Variants in SNAP23 observed in about 807,000 individuals in gnomAD.
The protein encoded by SNAP23 is synaptosomal-associated protein 23.
A neutral mutation model predicts 29.0 loss-of-function variants in SNAP23; 11 were observed. The ratio of observed to expected loss-of-function variants is 0.38; its 90% CI spans 0.24 to 0.63. SNAP23 has a LOEUF of 0.63. Ranked by LOEUF, SNAP23 falls within the 20% of genes least tolerant of loss-of-function variation. The pLI, the probability that SNAP23 is intolerant of heterozygous loss-of-function variation, is 0.58. For synonymous variants in SNAP23, 60 were observed against 82.9 expected, an observed-to-expected ratio of 0.72 and a Z score of 1.50; for missense variants, 220 against 253.9, an observed-to-expected ratio of 0.87 and a Z score of 0.91.
chr15:42,520,767 T>G (rs184610270), intron 5 of SNAP23, among the ~76,000 whole-genome samples: 420 of 152,354 alleles, frequency 2.8e-3, no homozygotes, highest in African/African-American at 9.5e-3. Flanking sequence ...GTGTTGGGAT[T>G]ACAGGCGTGA....
chr15:42,512,845 C>A, intron 2 of SNAP23, 110 bp from the exon 3 acceptor site: 1 of 769,690 alleles, frequency 1.3e-6, no homozygotes, highest in Non-Finnish European at 2.2e-6. Context: ...CCACTGTGCC[C>A]GGCCTGAGCT....
At position 42,528,321 on chromosome 15, in the gene SNAP23, A is replaced by G; in HGVS notation, c.326A>G (p.Asn109Ser). The stretch of plus-strand genomic sequence containing the variant: ...ACAACATGGGGAGATGGTGGAGAAA[A>G]CTCACCTTGCAATGTAGTATCTAAA... The part of the protein sequence containing the change: ...YKTTWGDGGE[N>S]SPCNVVSKQP... The change falls in exon 6 of 8, where the codon AAC becomes AGC. Residue 109 changes from asparagine to serine, a missense_variant. Transcript: ENST00000249647. 2 of 1,613,894 alleles carry G rather than the reference A, an allele frequency of 1.2e-6. No individual in the cohort carries two copies. The highest frequency in any genetic ancestry group is 2.2e-5 in the South Asian group (2 of 91,066).
At chr15:42,511,539 T>C (rs2057357968) in intron 1 of SNAP23, among the ~76,000 whole-genome samples, 1 of 152,218 alleles carries the variant, frequency 6.6e-6, no homozygotes, top group South Asian at 2.1e-4. Flanking sequence ...CTTCCAGTAA[T>C]GCCTTGCTTC....
intron 2 of SNAP23, 41 bp from the exon 3 acceptor site, chr15:42,512,914 C>T (rs1436688808): frequency 5.3e-6 from 8 of 1,498,764 alleles, no homozygotes; most frequent in Admixed American, 3.6e-5. Context: ...ATTTTTTTTT[C>T]TACATATTTT....
chr15:42,521,757 G>T, intron 5 of SNAP23: 1 of 649,308 alleles, frequency 1.5e-6, no homozygotes, highest in Non-Finnish European at 2.7e-6. Flanking sequence ...TTTTGTGAAT[G>T]GTGAAAACTG....
chr15:42,497,214 T>C (rs1458647215), intron 1 of SNAP23, among the ~76,000 whole-genome samples: 2 of 148,660 alleles, frequency 1.3e-5, no homozygotes, highest in Non-Finnish European at 3.0e-5. Flanking sequence ...ATTTTTTTTT[T>C]TTTTTTTTTT....
intron 1 of SNAP23, among the ~76,000 whole-genome samples, chr15:42,497,042 T>TC (rs1183417740): frequency 7.1e-6 from 1 of 141,446 alleles, no homozygotes; most frequent in African/African-American, 2.9e-5. Flanking sequence ...TTTCTTTCTT[T>TC]CTTTTTTTTT....
At chr15:42,494,902 T>C (rs1251529278), upstream of SNAP23, among the ~76,000 whole-genome samples, 1 of 152,206 alleles carries the variant, frequency 6.6e-6, no homozygotes, top group Non-Finnish European at 1.5e-5. Flanking sequence ...TAGTTTACAA[T>C]AATCCTCCAT....
chr15:42,501,892 C>T (rs2057273735), intron 1 of SNAP23, among the ~76,000 whole-genome samples: 2 of 152,108 alleles, frequency 1.3e-5, no homozygotes, highest in African/African-American at 4.8e-5. Flanking sequence ...TAACAGTAAT[C>T]AGGATTTGAA....
upstream of SNAP23, among the ~76,000 whole-genome samples, chr15:42,493,664 C>T (rs1179199876): frequency 6.6e-6 from 1 of 152,002 alleles, no homozygotes; most frequent in Non-Finnish European, 1.5e-5. Flanking sequence ...TCATTTTTGC[C>T]CATATTAAAA....
upstream of SNAP23, among the ~76,000 whole-genome samples, chr15:42,494,096 C>G (rs769857961): frequency 6.6e-6 from 1 of 152,066 alleles, no homozygotes; most frequent in Non-Finnish European, 1.5e-5. Flanking sequence ...GCTCAAGTTT[C>G]TCCTGTCTTA....
chr15:42,528,219 T>G (rs1208059830), intron 5 of SNAP23, 43 bp from the exon 6 acceptor site: 3 of 1,573,444 alleles, frequency 1.9e-6, no homozygotes, highest in Non-Finnish European at 2.6e-6. Context: ...ACTCTCCGTC[T>G]TCTTTTTTTT....
upstream of SNAP23, chr15:42,492,622 G>C (rs573303930): frequency 7.2e-6 from 1 of 138,040 alleles, no homozygotes; most frequent in Non-Finnish European, 1.5e-5. Flanking sequence ...AGGTTGCAGT[G>C]AGCCGAGACC....
At chr15:42,519,055 C>CTTT (rs34865842) in intron 5 of SNAP23, among the ~76,000 whole-genome samples, 7 of 130,738 alleles carry the variant, frequency 5.4e-5, no homozygotes, top group Non-Finnish European at 1.1e-4. Context: ...GTTTCTTCTT[C>CTTT]TTTTTTTTTT....
intron 5 of SNAP23, among the ~76,000 whole-genome samples, chr15:42,520,241 A>C (rs1473663131): frequency 6.7e-6 from 1 of 149,924 alleles, no homozygotes; most frequent in African/African-American, 2.5e-5. Flanking sequence ...AGTAGAGATG[A>C]GGTTTCACCA....
At chr15:42,514,189 G>A (rs1420812902) in intron 4 of SNAP23, among the ~76,000 whole-genome samples, 6 of 151,512 alleles carry the variant, frequency 4.0e-5, no homozygotes, top group African/African-American at 1.2e-4. Flanking sequence ...CCAGGCTCGA[G>A]TGCAGTGGTG....
At chr15:42,525,109 T>C (rs1027152262) in intron 5 of SNAP23, among the ~76,000 whole-genome samples, 2 of 152,158 alleles carry the variant, frequency 1.3e-5, no homozygotes, top group Admixed American at 6.5e-5. Context: ...AGCTCACTTC[T>C]GTAATCCCAG....
At chr15:42,531,330 G>A in intron 7 of SNAP23, 83 bp from the exon 8 acceptor site, 1 of 826,924 alleles carries the variant, frequency 1.2e-6, no homozygotes, top group Non-Finnish European at 1.8e-6. Flanking sequence ...TTTTCTTGGT[G>A]TGTCAGTTAC....
intron 5 of SNAP23, among the ~76,000 whole-genome samples, chr15:42,524,396 T>C (rs779801530): frequency 6.1e-4 from 93 of 152,300 alleles, no homozygotes; most frequent in African/African-American, 1.7e-3. Flanking sequence ...GGACCACTAT[T>C]GGTCCACGGC....
Sources: allele counts gnomAD v4.1 joint callset (sites outside exome capture counted in the v4.1 genomes callset), GRCh38; gene constraint gnomAD v4.1.1; transcripts MANE v1.5; gene names NCBI Gene and HGNC (gene_info 2026-07-23, HGNC 2026-07-21).